CHMP2B: variants seen among roughly 807,000 people sequenced by gnomAD.
CHMP2B encodes the protein charged multivesicular body protein 2B, also known as VPS2 homolog B.
CHMP2B carries 22 observed loss-of-function variants against 29.8 expected under a neutral mutation model. The ratio of observed to expected loss-of-function variants is 0.74; its 90% confidence interval spans 0.53 to 1.05. The LOEUF (loss-of-function observed/expected upper bound fraction) is 1.05. Ranked by LOEUF, CHMP2B falls within the 50% of genes least tolerant of loss-of-function variation. The pLI is 0.00. For missense variants in CHMP2B, 261 were observed against 252.2 expected, an observed-to-expected ratio of 1.03 and a Z score of -0.24; for synonymous variants, 78 against 75.8, an observed-to-expected ratio of 1.03 and a Z score of -0.15.
chr3:87,233,717 T>C (rs767331473), intron 1 of CHMP2B, among the ~76,000 whole-genome samples: 1 of 152,204 alleles, frequency 6.6e-6, no homozygotes, highest in Non-Finnish European at 1.5e-5. Flanking sequence ...GAGATCTTGA[T>C]ACCTTAAAAC....
intron 1 of CHMP2B, among the ~76,000 whole-genome samples, chr3:87,238,694 G>A (rs573812845): frequency 3.9e-5 from 6 of 152,062 alleles, no homozygotes; most frequent in African/African-American, 1.2e-4. Flanking sequence ...TTGTTTATCT[G>A]TGCACCTCTT....
intron 1 of CHMP2B, chr3:87,240,416 T>C: frequency 3.3e-6 from 1 of 298,610 alleles, no homozygotes; most frequent in Non-Finnish European, 6.6e-6. Context: ...ATTCAAGCGA[T>C]TCTTCTACCT....
At chr3:87,250,003 T>A in intron 4 of CHMP2B, 26 bp downstream of exon 4, 1 of 1,326,004 alleles carries the variant, frequency 7.5e-7, no homozygotes, top group Non-Finnish European at 1.1e-6. Context: ...TATAATGAAA[T>A]TTATAGTTTT....
At chr3:87,249,097 T>C (rs1374425216) in intron 3 of CHMP2B, among the ~76,000 whole-genome samples, 1 of 152,186 alleles carries the variant, frequency 6.6e-6, no homozygotes, top group African/African-American at 2.4e-5. Context: ...ATCTAGGCTA[T>C]ATGGTATAGC....
intron 1 of CHMP2B, among the ~76,000 whole-genome samples, chr3:87,235,655 T>C (rs371285627): frequency 1.3e-4 from 20 of 152,364 alleles, no homozygotes; most frequent in African/African-American, 4.8e-4. Context: ...TGTTGAATTC[T>C]CATGTAATAA....
In CHMP2B at chr3:87,232,664, G is replaced by T. The variant is rs573648383; in HGVS notation, c.34+5108G>T. Among the ~76,000 whole-genome samples the T allele has an allele frequency of 3.3e-5, 5 of 152,278 alleles. No individual in the cohort carries two copies. In the South Asian group the frequency reaches 8.3e-4, roughly 25 times the overall value. Reference sequence around the variant, plus strand: ...CATCCCCAGCATGACAACAAAGACAGACATTTCCTTTCTGGCTACCATTTC... The same window carrying T: ...CATCCCCAGCATGACAACAAAGACATACATTTCCTTTCTGGCTACCATTTC... On this transcript the variant is annotated intron_variant, in intron 1 of 5. Coordinates refer to ENST00000263780, the MANE Select transcript of CHMP2B (RefSeq NM_014043.4).
At chr3:87,237,727 A>G (rs944694047) in intron 1 of CHMP2B, among the ~76,000 whole-genome samples, 14 of 152,188 alleles carry the variant, frequency 9.2e-5, no homozygotes, top group Admixed American at 6.5e-5. Flanking sequence ...AGAAGCCTTG[A>G]AGCAAAGAAA....
intron 3 of CHMP2B, among the ~76,000 whole-genome samples, chr3:87,246,526 A>G (rs1348757968): frequency 2.0e-5 from 3 of 152,192 alleles, no homozygotes; most frequent in Non-Finnish European, 4.4e-5. Flanking sequence ...TCAAATTGTC[A>G]GAAGATTTTT....
rs2270666 is a variant in CHMP2B at position 87,250,088 on chromosome 3, G to C, written c.424+111G>C. 0.13 allele frequency: 82,654 copies of C among 641,948 alleles called. 5,706 individuals carry two copies. The highest frequency in any genetic ancestry group is 0.2 in the South Asian group (10,403 of 52,102). 39.8% of individuals were successfully genotyped at this position (641,948 alleles called of 1,614,324 possible). On this transcript the variant is annotated intron_variant, in intron 4 of 5. Transcript: ENST00000263780. ...CGAAGGCAGAAATGATGAAACCAAA[G>C]ATGATAGGCTCAAAATTCTATTTGT... is the stretch of plus-strand genomic sequence containing the variant.
intron 1 of CHMP2B, among the ~76,000 whole-genome samples, chr3:87,229,621 G>T (rs1467421736): frequency 6.6e-6 from 1 of 152,046 alleles, no homozygotes; most frequent in African/African-American, 2.4e-5. Context: ...TAATGAGGCT[G>T]TATATTATGA....
At chr3:87,252,277 G>C (rs1256085260) in intron 4 of CHMP2B, among the ~76,000 whole-genome samples, 1 of 151,808 alleles carries the variant, frequency 6.6e-6, no homozygotes, top group Non-Finnish European at 1.5e-5. Context: ...TTACCAACAT[G>C]ATTACAAGGA....
intron 1 of CHMP2B, among the ~76,000 whole-genome samples, chr3:87,240,144 A>G (rs1388104754): frequency 6.6e-6 from 1 of 152,074 alleles, no homozygotes; most frequent in Non-Finnish European, 1.5e-5. Context: ...TTGTGATGTA[A>G]TACTTTTGGT....
At chr3:87,235,382 A>C (rs1705986278) in intron 1 of CHMP2B, among the ~76,000 whole-genome samples, 1 of 152,122 alleles carries the variant, frequency 6.6e-6, no homozygotes. Context: ...CTCGTATGAA[A>C]ATATGTTTTA....
At chr3:87,239,954 A>C (rs1706085820) in intron 1 of CHMP2B, among the ~76,000 whole-genome samples, 2 of 152,160 alleles carry the variant, frequency 1.3e-5, no homozygotes, top group Non-Finnish European at 2.9e-5. Flanking sequence ...CTGGTGTTTC[A>C]GTCTGTTAAT....
At position 87,254,078 on chromosome 3, in the gene CHMP2B, G is replaced by C; in HGVS notation, c.*256G>C. 1 of 373,962 alleles carries C rather than the reference G, an allele frequency of 2.7e-6. No homozygotes were observed. Among genetic ancestry groups the C allele is most frequent in the East Asian group, 5.7e-5 (1 of 17,544 alleles). 23.2% of individuals were successfully genotyped at this position (373,962 alleles called of 1,614,324 possible). A position where few individuals can be genotyped will look rare whatever the true frequency, so the allele number is the denominator to read the frequency against. The stretch of plus-strand genomic sequence containing the variant: ...TGTGTAAAAAGTTGACTTCTCTTTT[G>C]CATGGCACAGAGAAATTATATTCCT... On this transcript the variant is annotated 3_prime_UTR_variant, in exon 6 of 6. Transcript: ENST00000263780.
chr3:87,247,848 A>G (rs1252805893), intron 3 of CHMP2B, among the ~76,000 whole-genome samples: 1 of 152,190 alleles, frequency 6.6e-6, no homozygotes. Context: ...TGGGTGGTGG[A>G]CACCCTAAAC....
chr3:87,243,672 A>C (rs1471128654), intron 2 of CHMP2B, among the ~76,000 whole-genome samples: 1 of 152,180 alleles, frequency 6.6e-6, no homozygotes, highest in Non-Finnish European at 1.5e-5. Flanking sequence ...TTTAAAATAG[A>C]TATAATAGAT....
rs1441064038 is a variant in CHMP2B, at chr3:87,227,379, C to T, written c.-144C>T. ...CTGCGGATACAAGCCTTCCGCGGGT[C>T]CTGCCTGGCGACCCCGACCTCCTCC... On this transcript the variant is annotated 5_prime_UTR_variant, in exon 1 of 6. Transcript: ENST00000263780. 2.0e-5 allele frequency: 17 copies of T among 847,512 alleles called. No individual in the cohort carries two copies. In the East Asian group the frequency reaches 3.3e-4, roughly 17 times the overall value. 52.5% of individuals were successfully genotyped at this position (847,512 alleles called of 1,614,324 possible). A position where few individuals can be genotyped will look rare whatever the true frequency, so the allele number is the denominator to read the frequency against.
At chr3:87,240,533 C>T (rs1050080222) in intron 1 of CHMP2B, 166 bp from the exon 2 acceptor site, 6 of 563,134 alleles carry the variant, frequency 1.1e-5, no homozygotes, top group African/African-American at 9.5e-5. Context: ...TGGTCTCGAA[C>T]TCCTGACCTC....
Sources: gnomAD v4.1 joint callset for allele counts (sites outside exome capture counted in the v4.1 genomes callset) on GRCh38, gnomAD v4.1.1 for gene constraint, MANE v1.5 for transcripts, NCBI Gene and HGNC (gene_info 2026-07-23, HGNC 2026-07-21) for gene names.